ZBTB7C: variants seen among roughly 807,000 people sequenced by gnomAD.
ZBTB7C encodes the protein zinc finger and BTB domain containing 7C.
In ZBTB7C, 8 loss-of-function variants were observed where a neutral mutation model predicts 25.7. The ratio of observed to expected loss-of-function variants is 0.31; its 90% CI spans 0.18 to 0.56. The LOEUF (loss-of-function observed/expected upper bound fraction) is 0.56, where lower values mean the gene tolerates loss of function less well. Ranked by LOEUF, ZBTB7C falls within the 20% of genes least tolerant of loss-of-function variation. ZBTB7C has a pLI of 0.91. For missense variants in ZBTB7C, 824 were observed against 855.2 expected, an observed-to-expected ratio of 0.96 and a Z score of 0.46; for synonymous variants, 394 against 369.0, an observed-to-expected ratio of 1.07 and a Z score of -0.78.
intron 2 of ZBTB7C, among the ~76,000 whole-genome samples, chr18:48,253,504 T>C (rs975960127): frequency 2.6e-5 from 4 of 152,142 alleles, no homozygotes; most frequent in African/African-American, 9.7e-5. Context: ...AACTGTAGCC[T>C]TGAGAGAGTG....
chr18:48,176,161 G>C (rs1023363853), intron 3 of ZBTB7C, among the ~76,000 whole-genome samples: 8 of 152,204 alleles, frequency 5.3e-5, no homozygotes, highest in Non-Finnish European at 2.9e-5. Flanking sequence ...GCCTCCTGAT[G>C]ATGCCCTGAG....
chr18:48,171,524 C>T (rs1216119817), intron 3 of ZBTB7C, among the ~76,000 whole-genome samples: 6 of 152,264 alleles, frequency 3.9e-5, no homozygotes, highest in Non-Finnish European at 7.3e-5. Flanking sequence ...GGAAAATCCA[C>T]TGTGCCCATG....
intron 2 of ZBTB7C, among the ~76,000 whole-genome samples, chr18:48,239,289 C>T (rs2043461813): frequency 6.6e-6 from 1 of 152,154 alleles, no homozygotes. Flanking sequence ...TGGCCCTGCC[C>T]ATCACCTAAG....
rs767758757 is a variant in ZBTB7C, at chr18:48,029,443, G to A, written c.1677C>T (p.Phe559=). The A allele has an allele frequency of 1.7e-5, 27 of 1,594,918 alleles. No homozygotes were observed. The highest frequency in any genetic ancestry group is 2.1e-5 in the Non-Finnish European group (25 of 1,174,236). The change falls in exon 5 of 5, where the codon TTC becomes TTT. Residue 559 remains phenylalanine, a synonymous_variant. Coordinates refer to ENST00000590800, the MANE Select transcript of ZBTB7C (RefSeq NM_001318841.2). ...RQFEETQMKL[F]GRAQLEAERN... ...TCTCAGCCTCCAGCTGCGCGCGCCCGAACAGCTTCATCTGTGTCTCCTCGA... is the reference window on the plus strand; with the variant it reads ...TCTCAGCCTCCAGCTGCGCGCGCCCAAACAGCTTCATCTGTGTCTCCTCGA...
intron 3 of ZBTB7C, among the ~76,000 whole-genome samples, chr18:48,151,945 G>T (rs1282941487): frequency 1.3e-5 from 2 of 152,212 alleles, no homozygotes; most frequent in Non-Finnish European, 2.9e-5. Flanking sequence ...AAAGGTGAGT[G>T]ACAGCCAAGG....
At chr18:48,238,969 G>C (rs986967649) in intron 2 of ZBTB7C, among the ~76,000 whole-genome samples, 2 of 152,152 alleles carry the variant, frequency 1.3e-5, no homozygotes, top group Non-Finnish European at 2.9e-5. Flanking sequence ...GTGGGAGTGA[G>C]ACTGGCCTTG....
intron 4 of ZBTB7C, among the ~76,000 whole-genome samples, chr18:48,035,128 A>G (rs1221278457): frequency 6.6e-6 from 1 of 152,208 alleles, no homozygotes; most frequent in Non-Finnish European, 1.5e-5. Context: ...TTATCTGGAG[A>G]GCAGGCAGCT....
chr18:48,326,095 C>CT (rs34725749), intron 2 of ZBTB7C, among the ~76,000 whole-genome samples: 7,170 of 126,096 alleles, frequency 0.057, 410 homozygotes, highest in East Asian at 0.1. Flanking sequence ...CTACCAACAT[C>CT]TTTTTTTTTT....
chr18:48,046,807 C>T (rs2144211556), intron 3 of ZBTB7C, among the ~76,000 whole-genome samples: 1 of 152,330 alleles, frequency 6.6e-6, no homozygotes, highest in Middle Eastern at 3.4e-3. Context: ...GAGGCCCTTC[C>T]ACTTCTCTGG....
intron 1 of ZBTB7C, among the ~76,000 whole-genome samples, chr18:48,381,176 C>A (rs1225221327): frequency 2.0e-5 from 3 of 152,076 alleles, no homozygotes; most frequent in Non-Finnish European, 4.4e-5. Flanking sequence ...AGGATATGCT[C>A]CACAAATACA....
intron 2 of ZBTB7C, among the ~76,000 whole-genome samples, chr18:48,212,656 A>G (rs1188762770): frequency 6.6e-6 from 1 of 152,128 alleles, no homozygotes; most frequent in East Asian, 1.9e-4. Flanking sequence ...CTGCTGTGAA[A>G]AGTAAATTTT....
At chr18:48,134,032 T>C (rs1348257465) in intron 3 of ZBTB7C, among the ~76,000 whole-genome samples, 1 of 152,044 alleles carries the variant, frequency 6.6e-6, no homozygotes, top group Non-Finnish European at 1.5e-5. Flanking sequence ...AATGCCTTTA[T>C]TCTGGCAGCA....
At chr18:48,115,547 A>C (rs1465518827) in intron 3 of ZBTB7C, among the ~76,000 whole-genome samples, 2 of 152,012 alleles carry the variant, frequency 1.3e-5, no homozygotes, top group Non-Finnish European at 2.9e-5. Flanking sequence ...CTTATGAGTG[A>C]CCTTTACACA....
intron 2 of ZBTB7C, among the ~76,000 whole-genome samples, chr18:48,336,291 C>A (rs540389971): frequency 6.6e-6 from 1 of 152,346 alleles, no homozygotes; most frequent in South Asian, 2.1e-4. Flanking sequence ...AGTTAGAAGG[C>A]ACTTCTCCCA....
At chr18:48,230,855 C>A (rs1383817686) in intron 2 of ZBTB7C, among the ~76,000 whole-genome samples, 1 of 152,234 alleles carries the variant, frequency 6.6e-6, no homozygotes, top group Admixed American at 6.5e-5. Flanking sequence ...GAAGTGCCTG[C>A]TCCCGCTGCC....
chr18:48,264,416 G>C (rs2044254153), intron 2 of ZBTB7C, among the ~76,000 whole-genome samples: 1 of 152,184 alleles, frequency 6.6e-6, no homozygotes, highest in East Asian at 1.9e-4. Context: ...CATCCTCACA[G>C]ATGCAGCTAG....
In ZBTB7C at chr18:48,040,655, C is replaced by CTCA. The variant is rs749315698; in HGVS notation, c.450_452dup (p.Asp150dup). 9 of 1,613,480 alleles carry CTCA rather than the reference C, an allele frequency of 5.6e-6. No homozygotes were observed. The highest frequency in any genetic ancestry group is 7.6e-6 in the Non-Finnish European group (9 of 1,179,674). ...CTTCCTCCTCCTCCTCTTCGTCCTC[C>CTCA]TCATCATCATCATCTTCGTCGTCGT... On this transcript the variant is annotated inframe_insertion, in exon 4 of 5. Transcript: ENST00000590800.
chr18:48,068,430 C>G (rs941216144), intron 3 of ZBTB7C, among the ~76,000 whole-genome samples: 2 of 152,024 alleles, frequency 1.3e-5, no homozygotes, highest in Admixed American at 6.5e-5. Flanking sequence ...TGAGCCACCG[C>G]ACCTGGCTGA....
At chr18:48,390,284 ATCATACCC>A (rs2047869482) in intron 1 of ZBTB7C, among the ~76,000 whole-genome samples, 1 of 129,948 alleles carries the variant, frequency 7.7e-6, no homozygotes, top group Non-Finnish European at 1.6e-5. Context: ...TCAAAATGGA[ATCATACCC>A]CCAAAAGTAT....
Sources: gnomAD v4.1 joint callset for allele counts (sites outside exome capture counted in the v4.1 genomes callset) on GRCh38, gnomAD v4.1.1 for gene constraint, MANE v1.5 for transcripts, NCBI Gene and HGNC (gene_info 2026-07-23, HGNC 2026-07-21) for gene names.